The following AEBP2 variants were observed in gnomAD, a reference collection of about 807,000 sequenced individuals.
The protein encoded by AEBP2 is AE binding protein 2, also known as zinc finger protein AEBP2.
AEBP2 carries 10 observed loss-of-function variants against 50.8 expected under a neutral mutation model. The observed-to-expected ratio is 0.20, with a 90% CI of 0.12 to 0.33. AEBP2 has a LOEUF of 0.33. AEBP2 is among the 10% of genes least tolerant of loss of function. AEBP2 has a pLI of 1.00. For missense variants in AEBP2, 570 were observed against 688.0 expected, an observed-to-expected ratio of 0.83 and a Z score of 1.92; for synonymous variants, 296 against 261.3, an observed-to-expected ratio of 1.13 and a Z score of -1.28.
Position 19,439,983 on chromosome 12 carries a change from A to G in AEBP2, c.284A>G (p.Glu95Gly). The G allele has an allele frequency of 6.6e-7, 1 of 1,521,652 alleles. No individual in the cohort carries two copies. The highest frequency in any genetic ancestry group is 8.8e-7 in the Non-Finnish European group (1 of 1,141,182). 94.3% of individuals were successfully genotyped at this position (1,521,652 alleles called of 1,614,324 possible). A position where few individuals can be genotyped will look rare whatever the true frequency, so the allele number is the denominator to read the frequency against. The change falls in exon 1 of 8, where the codon GAG (glutamate) becomes GGG (glycine). Residue 95 changes from glutamate to glycine, a missense_variant. By Grantham distance (98) the Glu-to-Gly change is moderately conservative. Around this residue, in one of 2 missense-constraint regions of AEBP2, gnomAD observed 386 missense variants for 336.8 expected, o/e 1.15. Transcript: ENST00000266508. ...CCCGAGAGCGCCAGCCAGGCCGGGG[A>G]GGACGAAGACGAGGAGGAGGACGAC... Reference protein sequence around the residue: ...PSPESASQAGEDEDEEEDDEE... With the variant: ...PSPESASQAGGDEDEEEDDEE...
At chr12:19,466,935 C>A in intron 2 of AEBP2, 1 of 363,056 alleles carries the variant, frequency 2.8e-6, no homozygotes, top group Non-Finnish European at 3.8e-6. Flanking sequence ...AAAAGCAAAA[C>A]CATTATATAT....
intron 1 of AEBP2, among the ~76,000 whole-genome samples, chr12:19,424,834 C>T (rs2095747708): frequency 6.6e-6 from 1 of 151,584 alleles, no homozygotes; most frequent in Admixed American, 6.6e-5. Context: ...ATGGTGAAAC[C>T]CCATCTCTAC....
Position 19,440,305 on chromosome 12 carries a change from C to T in AEBP2, c.606C>T (p.Gly202=), listed in dbSNP as rs536867351. 1.5e-4 allele frequency: 214 copies of T among 1,464,640 alleles called. No individual in the cohort carries two copies. Among genetic ancestry groups the T allele is most frequent in the Admixed American group, 1.2e-3 (46 of 38,964 alleles). 90.7% of individuals were successfully genotyped at this position (1,464,640 alleles called of 1,614,324 possible). ...GCGGAAGCAGCGCGACCTCCGGGGG[C>T]CGGCGGGGCAGCTTGGAGATGTCGT... ...GGGGSSATSG[G]RRGSLEMSSD... Residue 202 remains glycine, a synonymous_variant, in exon 1 of 8, where the codon GGC becomes GGT. Coordinates refer to ENST00000266508, the MANE Select transcript of AEBP2 (RefSeq NM_153207.5).
chr12:19,445,893 A>G (rs1948054370), intron 1 of AEBP2: 1 of 151,668 alleles, frequency 6.6e-6, no homozygotes, highest in African/African-American at 2.4e-5. Flanking sequence ...AAATATAACT[A>G]GCTTTCTTTT....
At chr12:19,475,030 A>T (rs1465450652) in intron 3 of AEBP2, among the ~76,000 whole-genome samples, 2 of 152,106 alleles carry the variant, frequency 1.3e-5, no homozygotes, top group Non-Finnish European at 2.9e-5. Flanking sequence ...TGACCTCGTG[A>T]TCTGCCCACC....
chr12:19,419,684 C>A (rs2095744538), intron 1 of AEBP2, among the ~76,000 whole-genome samples: 2 of 152,060 alleles, frequency 1.3e-5, no homozygotes, highest in Non-Finnish European at 2.9e-5. Flanking sequence ...AATCCCAGCA[C>A]TTTGGGAGGC....
chr12:19,410,065 G>A (rs1022196167), intron 1 of AEBP2, among the ~76,000 whole-genome samples: 7 of 152,030 alleles, frequency 4.6e-5, no homozygotes, highest in African/African-American at 1.7e-4. Flanking sequence ...AGCAGACCAG[G>A]GCAAGAAAAC....
intron 1 of AEBP2, chr12:19,456,862 C>T: frequency 6.6e-7 from 1 of 1,520,800 alleles, no homozygotes; most frequent in Non-Finnish European, 9.1e-7. Context: ...GTACCAATAC[C>T]ACCAATTTTT....
At chr12:19,456,276 T>G (rs1418643676) in intron 1 of AEBP2, 1 of 1,526,934 alleles carries the variant, frequency 6.5e-7, no homozygotes, top group African/African-American at 1.4e-5. Context: ...CTGGGCAGAT[T>G]TGGTGACCTT....
chr12:19,412,454 A>G (rs1423396631), intron 1 of AEBP2, among the ~76,000 whole-genome samples: 1 of 151,408 alleles, frequency 6.6e-6, no homozygotes, highest in African/African-American at 2.4e-5. Flanking sequence ...ATTTTTTTGT[A>G]TTTTTAGTAG....
At position 19,461,753 on chromosome 12, in the gene AEBP2, C is replaced by T. The variant is rs538466384; in HGVS notation, c.672-757C>T. Reference sequence around the variant, plus strand: ...TTCAAACTCCTGGCATCAGGTAGTCCACCCGCCTCGGCCTCCCAAAGTGCT... The same window carrying T: ...TTCAAACTCCTGGCATCAGGTAGTCTACCCGCCTCGGCCTCCCAAAGTGCT... On this transcript the variant is annotated intron_variant, in intron 1 of 7. Coordinates refer to ENST00000266508, the MANE Select transcript of AEBP2 (RefSeq NM_153207.5). 8.4e-4 allele frequency among the ~76,000 whole-genome samples: 128 copies of T among 152,146 alleles called. 1 individual carries two copies. The highest frequency in any genetic ancestry group is 6.8e-3 in the Middle Eastern group (2 of 294).
At chr12:19,490,436 C>A (rs934864008) in intron 3 of AEBP2, among the ~76,000 whole-genome samples, 3 of 152,072 alleles carry the variant, frequency 2.0e-5, no homozygotes, top group African/African-American at 7.2e-5. Context: ...GGCTGGAGTG[C>A]AGTGGCATGA....
chr12:19,439,786 G>A lies in AEBP2; in HGVS notation c.87G>A (p.Ala29=), dbSNP rs529065615. The part of the protein sequence containing the change: ...PLPPGSPGSA[A]RGRAEPPEEE... Reference sequence around the variant, plus strand: ...CCCCCGGCAGCCCGGGTTCGGCGGCGCGGGGCCGGGCTGAGCCCCCCGAGG... The same window carrying A: ...CCCCCGGCAGCCCGGGTTCGGCGGCACGGGGCCGGGCTGAGCCCCCCGAGG... Residue 29 remains alanine, a synonymous_variant, in exon 1 of 8, where the codon GCG becomes GCA. Transcript: ENST00000266508. 3.1e-5 allele frequency: 47 copies of A among 1,514,888 alleles called. 1 individual carries two copies. In the South Asian group the frequency reaches 5.3e-4, roughly 17 times the overall value. The allele number at this position is 1,514,888 out of a possible 1,614,324, so 93.8% of individuals were successfully genotyped here. A position where few individuals can be genotyped will look rare whatever the true frequency, so the allele number is the denominator to read the frequency against.
At position 19,489,990 on chromosome 12, in the gene AEBP2, C is replaced by CTTTTTTTTT. The variant is rs71067029; in HGVS notation, c.988-3793_988-3785dup. On this transcript the variant is annotated intron_variant, in intron 3 of 7. Coordinates refer to ENST00000266508, the MANE Select transcript of AEBP2 (RefSeq NM_153207.5). Reference sequence around the variant, plus strand: ...CTGAATCATTGATAATTAAAATAAACTTTTTTTTTTTTTTTTTTTTTTTTT... The same window carrying CTTTTTTTTT: ...CTGAATCATTGATAATTAAAATAAACTTTTTTTTTTTTTTTTTTTTTTTTTTTTTTTTTT... Among the ~76,000 whole-genome samples, 16 of 47,686 alleles carry CTTTTTTTTT rather than the reference C, an allele frequency of 3.4e-4. 1 individual carries two copies. Among genetic ancestry groups the CTTTTTTTTT allele is most frequent in the South Asian group, 9.3e-4 (1 of 1,072 alleles). 31.3% of individuals were successfully genotyped at this position (47,686 alleles called of 152,430 possible). A position where few individuals can be genotyped will look rare whatever the true frequency, so the allele number is the denominator to read the frequency against.
intron 1 of AEBP2, among the ~76,000 whole-genome samples, chr12:19,418,017 A>G (rs2095743558): frequency 6.6e-6 from 1 of 152,114 alleles, no homozygotes. Context: ...ATCTCTATTA[A>G]CACAACTAGA....
chr12:19,496,778 C>T (rs1278068668), intron 4 of AEBP2, among the ~76,000 whole-genome samples: 1 of 151,366 alleles, frequency 6.6e-6, no homozygotes, highest in Non-Finnish European at 1.5e-5. Flanking sequence ...TCTCCCACCT[C>T]AGCCTCCCAG....
intron 2 of AEBP2, among the ~76,000 whole-genome samples, chr12:19,471,646 C>T (rs1267498025): frequency 6.6e-6 from 1 of 151,960 alleles, no homozygotes; most frequent in Non-Finnish European, 1.5e-5. Flanking sequence ...CCCACCACCA[C>T]CCCTGAGTAG....
intron 5 of AEBP2, among the ~76,000 whole-genome samples, chr12:19,501,331 CAA>C (rs568690588): frequency 4.0e-4 from 33 of 82,098 alleles, no homozygotes; most frequent in Non-Finnish European, 2.5e-4. Flanking sequence ...AACTCCATCT[CAA>C]AAAAAAAAAA....
chr12:19,425,822 G>T (rs2095748250), intron 1 of AEBP2, among the ~76,000 whole-genome samples: 3 of 151,724 alleles, frequency 2.0e-5, no homozygotes, highest in African/African-American at 7.3e-5. Flanking sequence ...CAAGGTACGA[G>T]GGTTGTCTGT....
Sources: allele counts gnomAD v4.1 joint callset (sites outside exome capture counted in the v4.1 genomes callset), GRCh38; gene constraint gnomAD v4.1.1; regional missense constraint gnomAD v4.1.1; transcripts MANE v1.5; gene names NCBI Gene and HGNC (gene_info 2026-07-23, HGNC 2026-07-21).